Variants in GGA1 observed in about 807,000 individuals in gnomAD.
GGA1 encodes ADP-ribosylation factor-binding protein GGA1.
GGA1 carries 18 observed loss-of-function variants against 76.9 expected under a neutral mutation model. That is an observed-to-expected ratio of 0.23 (90% CI 0.16 to 0.35). The LOEUF is 0.35. GGA1 is among the 10% of genes least tolerant of loss of function. The pLI, the probability that GGA1 is intolerant of heterozygous loss-of-function variation, is 1.00. For synonymous variants in GGA1, 342 were observed against 354.7 expected, an observed-to-expected ratio of 0.96 and a Z score of 0.40; for missense variants, 755 against 859.0, an observed-to-expected ratio of 0.88 and a Z score of 1.51.
chr22:37,617,794 C>A, intron 3 of GGA1: 1 of 960,138 alleles, frequency 1.0e-6, no homozygotes, highest in Non-Finnish European at 1.2e-6. Context: ...AGGATAAGGC[C>A]AAGGTAGGTG....
At position 37,630,189 on chromosome 22, in the gene GGA1, T is replaced by C; in HGVS notation, c.1331+19T>C. On this transcript the variant is annotated intron_variant, in intron 13 of 16. Coordinates refer to ENST00000343632, the MANE Select transcript of GGA1 (RefSeq NM_013365.5). ...TGCGGTGGTGAGGGCCCACCATGGC[T>C]GGCATGGGGTGGGGAGCACTCCCTG... 6.5e-7 allele frequency: 1 copy of C among 1,537,448 alleles called. No homozygotes were observed. The highest frequency in any genetic ancestry group is 8.8e-7 in the Non-Finnish European group (1 of 1,140,602).
rs554415949 is a variant in GGA1, at chr22:37,623,147, G to T, written c.610-180G>T. Among the ~76,000 whole-genome samples the T allele has an allele frequency of 4.6e-5, 7 of 152,314 alleles. No homozygotes were observed. In the East Asian group the frequency reaches 1.4e-3, roughly 29 times the overall value. On this transcript the variant is annotated intron_variant, in intron 7 of 16. Transcript: ENST00000343632. This position sits in a 1 kb window ranked among gnomAD's most constrained non-coding sequence, Gnocchi z 4.6. ...TGGGCACTGGGGGCTTCTTGGACCAGCGTGCCCTTCCTAGGCATGAGGGGC... is the reference window on the plus strand; with the variant it reads ...TGGGCACTGGGGGCTTCTTGGACCATCGTGCCCTTCCTAGGCATGAGGGGC...
At chr22:37,613,265 C>G in intron 1 of GGA1, 1 of 670,004 alleles carries the variant, frequency 1.5e-6, no homozygotes, top group Non-Finnish European at 1.8e-6. Flanking sequence ...CCTGCCCATA[C>G]AGCCATGCGT....
At chr22:37,613,973 T>A in intron 1 of GGA1, 1 of 537,054 alleles carries the variant, frequency 1.9e-6, no homozygotes. Flanking sequence ...CCATAGTCTC[T>A]AAAAGTGGGG....
rs1321310408 is a variant in GGA1 at position 37,621,690 on chromosome 22, G to A, written c.603G>A (p.Val201=). 1.3e-6 allele frequency: 2 copies of A among 1,554,036 alleles called. No individual in the cohort carries two copies. Among genetic ancestry groups the A allele is most frequent in the East Asian group, 2.4e-5 (1 of 41,680 alleles). ...CCAATAAGCTCATCAAAGAGATGGT[G>A]CAGGAGGTAGCGGCCGAGCCCAGAG... is the stretch of plus-strand genomic sequence containing the variant. ...RAANKLIKEM[V]QEDQKRMEKI... is the part of the protein sequence containing the mutation. The change falls in exon 7 of 17, where the codon GTG becomes GTA. Residue 201 remains valine (V), a synonymous_variant. Transcript: ENST00000343632.
chr22:37,632,335 C>A lies in GGA1; in HGVS notation c.1699-70C>A. ...GGATCCCCGGAGGGGAGCTGGCAGG[C>A]TGGGCCTGGTTCCTCAGAGCAGGAC... On this transcript the variant is annotated intron_variant, in intron 15 of 16. Coordinates refer to ENST00000343632, the MANE Select transcript of GGA1 (RefSeq NM_013365.5). This position sits in a 1 kb window ranked among gnomAD's most constrained non-coding sequence, Gnocchi z 5.1. 7.3e-7 allele frequency: 1 copy of A among 1,362,972 alleles called. No individual in the cohort carries two copies. Among genetic ancestry groups the A allele is most frequent in the Non-Finnish European group, 1.0e-6 (1 of 954,560 alleles). 84.4% of individuals were successfully genotyped at this position (1,362,972 alleles called of 1,614,324 possible).
At chr22:37,609,153 G>A in intron 1 of GGA1, 3 of 1,454,582 alleles carry the variant, frequency 2.1e-6, no homozygotes, top group Non-Finnish European at 1.8e-6. Flanking sequence ...CTGGGACGGC[G>A]AGTGAGCTGC....
At chr22:37,613,754 C>T (rs1601504083) in intron 1 of GGA1, among the ~76,000 whole-genome samples, 1 of 152,146 alleles carries the variant, frequency 6.6e-6, no homozygotes, top group Non-Finnish European at 1.5e-5. Context: ...TTATTGAGAA[C>T]CTAGCTTCCC....
At chr22:37,629,905 T>C in intron 12 of GGA1, 93 bp from the exon 13 acceptor site, 1 of 897,436 alleles carries the variant, frequency 1.1e-6, no homozygotes, top group Non-Finnish European at 1.7e-6. Flanking sequence ...CCAGATGTCA[T>C]TTGCAAGGAG....
intron 3 of GGA1, chr22:37,617,317 C>A: frequency 8.0e-7 from 1 of 1,253,542 alleles, no homozygotes; most frequent in Non-Finnish European, 1.0e-6. Context: ...GGGCTCCACC[C>A]AGACCTGCCG....
chr22:37,631,213 C>T (rs1931750687), intron 14 of GGA1, 114 bp downstream of exon 14: 9 of 799,324 alleles, frequency 1.1e-5, no homozygotes, highest in Non-Finnish European at 1.7e-5. Context: ...TGCCACTGGC[C>T]AACCAGAGGG....
intron 2 of GGA1, among the ~76,000 whole-genome samples, chr22:37,614,623 A>G (rs1433202173): frequency 5.3e-5 from 8 of 152,226 alleles, no homozygotes; most frequent in South Asian, 4.1e-4. Flanking sequence ...ATGTTCCCCA[A>G]TTGGGAGGAG....
chr22:37,617,270 C>T, intron 3 of GGA1: 1 of 1,342,790 alleles, frequency 7.4e-7, no homozygotes, highest in East Asian at 3.2e-5. Flanking sequence ...TGCACATCGG[C>T]TGCCTCTCCA....
rs1422081165 is a variant in GGA1 at position 37,609,078 on chromosome 22, G to A, written c.43+175G>A. 18 of 1,490,622 alleles carry A rather than the reference G, an allele frequency of 1.2e-5. No homozygotes were observed. The East Asian group carries it at 1.5e-4, about 12-fold the overall frequency. The allele number at this position is 1,490,622 out of a possible 1,614,324, so 92.3% of individuals were successfully genotyped here. On this transcript the variant is annotated intron_variant, in intron 1 of 16. Coordinates refer to ENST00000343632, the MANE Select transcript of GGA1 (RefSeq NM_013365.5). ...GACCCTGGAGCGATGGAGGACCCCGGCCCCGGCGCGGTCCAGCGGTGGGAG... is the reference window on the plus strand; with the variant it reads ...GACCCTGGAGCGATGGAGGACCCCGACCCCGGCGCGGTCCAGCGGTGGGAG...
Position 37,611,015 on chromosome 22 carries a change from C to A in GGA1, c.43+2112C>A, listed in dbSNP as rs548210194. ...CAGCTTCTCTGACCTCACTCCAACT[C>A]ACGTGTCTTTGACACTTTAAGGGAC... On this transcript the variant is annotated intron_variant, in intron 1 of 16. Coordinates refer to ENST00000343632, the MANE Select transcript of GGA1 (RefSeq NM_013365.5). Among the ~76,000 whole-genome samples, 6 of 152,364 alleles carry A rather than the reference C, an allele frequency of 3.9e-5. No homozygotes were observed. The South Asian group carries it at 1.2e-3, about 32-fold the overall frequency.
chr22:37,631,965 T>C (rs1315084533), intron 14 of GGA1, 31 bp from the exon 15 acceptor site: 4 of 1,578,568 alleles, frequency 2.5e-6, no homozygotes, highest in Non-Finnish European at 3.5e-6. Flanking sequence ...GCAGCTCAGC[T>C]GTCCCATCGC....
intron 2 of GGA1, among the ~76,000 whole-genome samples, chr22:37,614,506 C>T (rs1245562444): frequency 6.6e-6 from 1 of 152,230 alleles, no homozygotes; most frequent in Non-Finnish European, 1.5e-5. Flanking sequence ...AGATCTGCCC[C>T]CACATCTCAC....
At position 37,623,104 on chromosome 22, in the gene GGA1, T is replaced by A. The variant is rs773669638; in HGVS notation, c.610-223T>A. Among the ~76,000 whole-genome samples, 8 of 152,222 alleles carry A rather than the reference T, an allele frequency of 5.3e-5. No individual in the cohort carries two copies. Among genetic ancestry groups the A allele is most frequent in the Non-Finnish European group, 7.3e-5 (5 of 68,032 alleles). ...CCTGGGCCATCTCTGAAGATCCTGA[T>A]GAGCTTGTGCAGAGGCCTGGGCACT... On this transcript the variant is annotated intron_variant, in intron 7 of 16. Transcript: ENST00000343632. The surrounding 1 kb of genome is among the most constrained non-coding windows in gnomAD (Gnocchi z 4.6).
rs184995817 is a variant in GGA1 at position 37,625,715 on chromosome 22, G to A, written c.941-82G>A. ...CCAGTGGTAAAGCATCGGGGGTTAGGTGTTGCTCCCCCGCAACCCCTGTGG... is the reference window on the plus strand; with the variant it reads ...CCAGTGGTAAAGCATCGGGGGTTAGATGTTGCTCCCCCGCAACCCCTGTGG... On this transcript the variant is annotated intron_variant, in intron 10 of 16. Transcript: ENST00000343632. This position sits in a 1 kb window ranked among gnomAD's most constrained non-coding sequence, Gnocchi z 4.1. 4.6e-4 allele frequency: 504 copies of A among 1,094,272 alleles called. 2 individuals are homozygous for A. In the East Asian group the frequency reaches 5.9e-3, roughly 13 times the overall value. The allele number at this position is 1,094,272 out of a possible 1,614,324, so 67.8% of individuals were successfully genotyped here.
Sources: gnomAD v4.1 joint callset for allele counts (sites outside exome capture counted in the v4.1 genomes callset) on GRCh38, gnomAD v4.1.1 for gene constraint, Gnocchi (gnomAD v3.1) non-coding constraint, MANE v1.5 for transcripts, NCBI Gene and HGNC (gene_info 2026-07-23, HGNC 2026-07-21) for gene names.